KCNMA1: variants seen among roughly 807,000 people sequenced by gnomAD.
KCNMA1 encodes the protein potassium calcium-activated channel subfamily M alpha 1.
Under a neutral mutation model 140.0 loss-of-function variants are expected in KCNMA1, and 29 were observed. That is an observed-to-expected ratio of 0.21 (90% CI 0.15 to 0.28). The LOEUF (loss-of-function observed/expected upper bound fraction) is 0.28. Ranked by LOEUF, KCNMA1 falls within the 10% of genes least tolerant of loss-of-function variation. The probability of loss-of-function intolerance (pLI) is 1.00; values close to 1 mark genes in which losing one functional copy is unlikely to be tolerated. For synonymous variants in KCNMA1, 612 were observed against 611.9 expected, an observed-to-expected ratio of 1.00 and a Z score of 0.00; for missense variants, 880 against 1,602.2, an observed-to-expected ratio of 0.55 and a Z score of 7.70.
chr10:77,614,668 G>A (rs1182319404), intron 1 of KCNMA1, among the ~76,000 whole-genome samples: 1 of 152,180 alleles, frequency 6.6e-6, no homozygotes, highest in Admixed American at 6.5e-5. Context: ...CATGAGGAGG[G>A]TAGACAACTT....
Position 76,885,954 on chromosome 10 carries a change from A to G in KCNMA1, c.*1312T>C, listed in dbSNP as rs1247513233. ...CAAGGAGCAGCTCTCTATTGCCGTC[A>G]TTACCCTGCCTAAATTGGCTACATT... is the stretch of plus-strand genomic sequence containing the variant. On this transcript the variant is annotated 3_prime_UTR_variant, in exon 28 of 28. Coordinates refer to ENST00000286628, the MANE Select transcript of KCNMA1 (RefSeq NM_001161352.2). 1 of 985,318 alleles carries G rather than the reference A, an allele frequency of 1.0e-6. No individual in the cohort carries two copies. The highest frequency in any genetic ancestry group is 1.7e-5 in the African/African-American group (1 of 57,234). The allele number at this position is 985,318 out of a possible 1,614,324, so 61.0% of individuals were successfully genotyped here. A position where few individuals can be genotyped will look rare whatever the true frequency, so the allele number is the denominator to read the frequency against.
intron 9 of KCNMA1, among the ~76,000 whole-genome samples, chr10:77,097,566 C>T (rs1372232042): frequency 6.6e-6 from 1 of 152,174 alleles, no homozygotes; most frequent in Non-Finnish European, 1.5e-5. Context: ...GCTTATTCCA[C>T]CACCCTGAAT....
At chr10:77,027,252 T>C (rs1198486908) in intron 16 of KCNMA1, among the ~76,000 whole-genome samples, 14 of 152,170 alleles carry the variant, frequency 9.2e-5, no homozygotes, top group Non-Finnish European at 1.3e-4. Flanking sequence ...TTGCACATAA[T>C]TAAGTGTAAA....
chr10:77,464,270 T>C (rs1274467312), intron 1 of KCNMA1, among the ~76,000 whole-genome samples: 2 of 152,176 alleles, frequency 1.3e-5, no homozygotes, highest in Non-Finnish European at 2.9e-5. Flanking sequence ...ACCCTTCATC[T>C]GCAGGCCTCG....
chr10:77,459,786 G>A lies in KCNMA1; in HGVS notation c.379-55763C>T, dbSNP rs535876358. On this transcript the variant is annotated intron_variant, in intron 1 of 27. Coordinates refer to ENST00000286628, the MANE Select transcript of KCNMA1 (RefSeq NM_001161352.2). ...ACAGACTCTCTGGAGCCCACTGCCT[G>A]AGGTCATGTCTCATCTCCTCCTTCC... is the stretch of plus-strand genomic sequence containing the variant. Among the ~76,000 whole-genome samples, 14 of 152,356 alleles carry A rather than the reference G, an allele frequency of 9.2e-5. No homozygotes were observed. The South Asian group carries it at 1.9e-3, about 20-fold the overall frequency.
intron 3 of KCNMA1, among the ~76,000 whole-genome samples, chr10:77,244,118 A>G (rs1180895687): frequency 6.6e-6 from 1 of 152,208 alleles, no homozygotes; most frequent in East Asian, 1.9e-4. Context: ...TGTATTTAGT[A>G]GAAAGAACCC....
chr10:77,113,344 T>C (rs1267437908), intron 6 of KCNMA1, among the ~76,000 whole-genome samples: 1 of 152,214 alleles, frequency 6.6e-6, no homozygotes, highest in Non-Finnish European at 1.5e-5. Context: ...CCAGCTTCAG[T>C]CCCTTCTAAT....
At chr10:77,376,987 A>ACATACATACATACAT (rs1555258736) in intron 2 of KCNMA1, among the ~76,000 whole-genome samples, 1 of 152,070 alleles carries the variant, frequency 6.6e-6, no homozygotes, top group East Asian at 1.9e-4. Context: ...ATACATACAT[A>ACATACATACATACAT]AAAATGAAAT....
chr10:77,083,526 G>GAGGGCAGGGC (rs370787964), intron 12 of KCNMA1, among the ~76,000 whole-genome samples: 5 of 149,556 alleles, frequency 3.3e-5, no homozygotes, highest in African/African-American at 9.8e-5. Flanking sequence ...AAAAAAAAGG[G>GAGGGCAGGGC]AGGGCAGGGC....
chr10:77,296,563 T>A (rs2075168423), intron 2 of KCNMA1, among the ~76,000 whole-genome samples: 1 of 152,154 alleles, frequency 6.6e-6, no homozygotes, highest in Non-Finnish European at 1.5e-5. Flanking sequence ...CTTACCCAAG[T>A]GGAGGCTCAT....
intron 2 of KCNMA1, among the ~76,000 whole-genome samples, chr10:77,383,325 T>C (rs1423954407): frequency 6.6e-6 from 1 of 151,510 alleles, no homozygotes. Context: ...ACCTGTGAAA[T>C]AAATGTGCAG....
At chr10:76,952,095 A>G (rs535581780) in intron 21 of KCNMA1, 205 of 1,552,144 alleles carry the variant, frequency 1.3e-4, no homozygotes, top group Non-Finnish European at 1.7e-4. Context: ...TGGCATGCAT[A>G]CTACACCAAT....
chr10:77,050,729 G>C (rs1407260473), intron 14 of KCNMA1, among the ~76,000 whole-genome samples: 1 of 152,208 alleles, frequency 6.6e-6, no homozygotes, highest in Non-Finnish European at 1.5e-5. Context: ...TGTTCCCAAA[G>C]ACGGTGAAGA....
intron 1 of KCNMA1, among the ~76,000 whole-genome samples, chr10:77,459,141 G>T (rs2097808713): frequency 6.6e-6 from 1 of 152,216 alleles, no homozygotes; most frequent in Non-Finnish European, 1.5e-5. Context: ...CTGACAGTAG[G>T]GGCATTTGAG....
At chr10:77,555,395 A>C (rs764900514) in intron 1 of KCNMA1, among the ~76,000 whole-genome samples, 1 of 152,362 alleles carries the variant, frequency 6.6e-6, no homozygotes, top group East Asian at 1.9e-4. Flanking sequence ...GAAAAAAAAC[A>C]GAAAGGTAGC....
At chr10:77,170,187 T>C (rs2098688734) in intron 5 of KCNMA1, among the ~76,000 whole-genome samples, 1 of 151,998 alleles carries the variant, frequency 6.6e-6, no homozygotes, top group South Asian at 2.1e-4. Flanking sequence ...CAAGACCCAA[T>C]CTAAAAAATA....
In KCNMA1 at chr10:77,012,312, C is replaced by T. The variant is rs143723422; in HGVS notation, c.2016-269G>A. 3.4e-6 allele frequency: 5 copies of T among 1,464,882 alleles called. No homozygotes were observed. The South Asian group carries it at 4.5e-5, about 13-fold the overall frequency. 90.7% of individuals were successfully genotyped at this position (1,464,882 alleles called of 1,614,324 possible). A position where few individuals can be genotyped will look rare whatever the true frequency, so the allele number is the denominator to read the frequency against. Reference sequence around the variant, plus strand: ...GGAAAAAAGTTGCTGATGTGACACACTGTGTCTGCTCATTCGTCTTTCATT... The same window carrying T: ...GGAAAAAAGTTGCTGATGTGACACATTGTGTCTGCTCATTCGTCTTTCATT... On this transcript the variant is annotated intron_variant, in intron 17 of 27. Transcript: ENST00000286628.
intron 1 of KCNMA1, among the ~76,000 whole-genome samples, chr10:77,409,066 C>G (rs1253461792): frequency 6.6e-6 from 1 of 152,152 alleles, no homozygotes; most frequent in Non-Finnish European, 1.5e-5. Flanking sequence ...CAGCCTTACA[C>G]CCTCACCCCT....
rs149631676 is a variant in KCNMA1, at chr10:77,482,971, TTCTC to T, written c.379-78952_379-78949del. On this transcript the variant is annotated intron_variant, in intron 1 of 27. Transcript: ENST00000286628. ...TCTTCTCTCCCCCATCCTTCCTCTC[TTCTC>T]TCTCTCTCTCTCACATACACACACA... Among the ~76,000 whole-genome samples the T allele has an allele frequency of 1.0e-4, 14 of 135,984 alleles. 1 individual carries two copies. Among genetic ancestry groups the T allele is most frequent in the South Asian group, 5.0e-4 (2 of 4,036 alleles). The allele number at this position is 135,984 out of a possible 152,430, so 89.2% of individuals were successfully genotyped here. A position where few individuals can be genotyped will look rare whatever the true frequency, so the allele number is the denominator to read the frequency against.
Sources: allele counts gnomAD v4.1 joint callset (sites outside exome capture counted in the v4.1 genomes callset), GRCh38; gene constraint gnomAD v4.1.1; transcripts MANE v1.5; gene names NCBI Gene and HGNC (gene_info 2026-07-23, HGNC 2026-07-21).